The following MACROD2 variants were observed in gnomAD, a reference collection of about 807,000 sequenced individuals.
MACROD2 encodes the protein mono-ADP ribosylhydrolase 2, also known as ADP-ribose glycohydrolase MACROD2.
MACROD2 carries 36 observed loss-of-function variants against 70.4 expected under a neutral mutation model. That is an observed-to-expected ratio of 0.51 (90% CI 0.39 to 0.68). The LOEUF (loss-of-function observed/expected upper bound fraction) is 0.68. Among genes scored for constraint, MACROD2 ranks in the 30% least tolerant of loss-of-function variants. MACROD2 has a pLI of 0.00. For synonymous variants in MACROD2, 172 were observed against 178.8 expected (o/e 0.96, Z 0.30); for missense variants, 496 against 538.4 (o/e 0.92, Z 0.78).
At chr20:13,997,207 G>A (rs1399111989) in intron 1 of MACROD2, among the ~76,000 whole-genome samples, 2 of 152,160 alleles carry the variant, frequency 1.3e-5, no homozygotes, top group Non-Finnish European at 2.9e-5. Context: ...TGGGTTTATA[G>A]AGAGCTAACA....
chr20:14,118,152 A>G (rs999644102), intron 3 of MACROD2, among the ~76,000 whole-genome samples: 6 of 152,186 alleles, frequency 3.9e-5, no homozygotes, highest in African/African-American at 1.4e-4. Context: ...TAGTATATTA[A>G]CCATTTGTGG....
intron 12 of MACROD2, among the ~76,000 whole-genome samples, chr20:15,955,145 A>G (rs2065958721): frequency 1.3e-5 from 2 of 152,138 alleles, no homozygotes; most frequent in South Asian, 4.1e-4. Context: ...AATGGAAGGT[A>G]TTCTAGTTGG....
At chr20:14,457,403 A>G (rs2084316366) in intron 3 of MACROD2, among the ~76,000 whole-genome samples, 1 of 152,156 alleles carries the variant, frequency 6.6e-6, no homozygotes, top group Non-Finnish European at 1.5e-5. Context: ...GAGAACTGAT[A>G]AAGTGAAGAC....
intron 4 of MACROD2, among the ~76,000 whole-genome samples, chr20:14,637,267 C>G (rs1984834122): frequency 6.6e-6 from 1 of 152,054 alleles, no homozygotes; most frequent in Non-Finnish European, 1.5e-5. Context: ...ATATGTGTCT[C>G]CAGCTTTAAG....
At chr20:14,745,753 T>A (rs2071791918) in intron 5 of MACROD2, among the ~76,000 whole-genome samples, 1 of 152,172 alleles carries the variant, frequency 6.6e-6, no homozygotes, top group Non-Finnish European at 1.5e-5. Context: ...TGCCTTGCTG[T>A]AGCTGTGCTA....
At chr20:14,878,010 C>T (rs1380996175) in intron 5 of MACROD2, among the ~76,000 whole-genome samples, 1 of 152,072 alleles carries the variant, frequency 6.6e-6, no homozygotes, top group Non-Finnish European at 1.5e-5. Context: ...GGAAGAGTCC[C>T]TTTTCCTCAA....
At chr20:15,032,783 C>G (rs1301623375) in intron 5 of MACROD2, among the ~76,000 whole-genome samples, 1 of 152,176 alleles carries the variant, frequency 6.6e-6, no homozygotes, top group Non-Finnish European at 1.5e-5. Flanking sequence ...CACCAATGTT[C>G]ATAGCAGCAT....
chr20:14,947,935 T>C (rs543819777), intron 5 of MACROD2, among the ~76,000 whole-genome samples: 43 of 152,318 alleles, frequency 2.8e-4, no homozygotes, highest in Non-Finnish European at 2.9e-5. Flanking sequence ...AGTCCTGTAT[T>C]TGCTTACATC....
chr20:14,741,001 T>C (rs1428773631), intron 5 of MACROD2, among the ~76,000 whole-genome samples: 1 of 152,176 alleles, frequency 6.6e-6, no homozygotes, highest in South Asian at 2.1e-4. Flanking sequence ...TAATATTATA[T>C]TGGATTTCTG....
At position 14,968,521 on chromosome 20, in the gene MACROD2, A is replaced by G. The variant is rs74498677; in HGVS notation, c.419-261419A>G. Among the ~76,000 whole-genome samples the G allele has an allele frequency of 5.0e-3, 769 of 152,294 alleles. 5 individuals carry two copies. The highest frequency in any genetic ancestry group is 0.018 in the African/African-American group (740 of 41,548). Reference sequence around the variant, plus strand: ...GGTGTCCAGGCATCAGTTGTAAAAAAAAAGAAAAAAAATATTTTATTGTGC... The same window carrying G: ...GGTGTCCAGGCATCAGTTGTAAAAAGAAAGAAAAAAAATATTTTATTGTGC... On this transcript the variant is annotated intron_variant, in intron 5 of 17. Coordinates refer to ENST00000684519, the MANE Select transcript of MACROD2 (RefSeq NM_001351661.2).
intron 3 of MACROD2, among the ~76,000 whole-genome samples, chr20:14,418,906 A>C (rs1239143377): frequency 6.6e-6 from 1 of 151,954 alleles, no homozygotes; most frequent in Non-Finnish European, 1.5e-5. Flanking sequence ...CTTTGTCTCC[A>C]TGTTTCCAAA....
intron 3 of MACROD2, among the ~76,000 whole-genome samples, chr20:14,356,854 T>C (rs1473699114): frequency 6.6e-6 from 1 of 152,160 alleles, no homozygotes; most frequent in Non-Finnish European, 1.5e-5. Context: ...ATATTGGCGC[T>C]GGCTTCTGCT....
At chr20:15,476,957 C>T (rs1466138544) in intron 7 of MACROD2, among the ~76,000 whole-genome samples, 2 of 152,178 alleles carry the variant, frequency 1.3e-5, no homozygotes, top group South Asian at 2.1e-4. Flanking sequence ...AGACTATCAA[C>T]AATATGCCCA....
intron 5 of MACROD2, among the ~76,000 whole-genome samples, chr20:14,844,821 G>C (rs1284254474): frequency 6.6e-6 from 1 of 152,078 alleles, no homozygotes; most frequent in African/African-American, 2.4e-5. Context: ...CTTCCCTGTG[G>C]ATTTTCTGAG....
chr20:15,512,885 G>T (rs765266295), intron 8 of MACROD2, among the ~76,000 whole-genome samples: 1 of 152,156 alleles, frequency 6.6e-6, no homozygotes, highest in African/African-American at 2.4e-5. Flanking sequence ...ACAATTAGAG[G>T]CTGATGGGGT....
At chr20:15,954,043 A>G (rs746650873) in intron 12 of MACROD2, among the ~76,000 whole-genome samples, 4 of 152,156 alleles carry the variant, frequency 2.6e-5, no homozygotes, top group Non-Finnish European at 5.9e-5. Context: ...TTAAGTGTTT[A>G]TGTTTGAACC....
intron 5 of MACROD2, among the ~76,000 whole-genome samples, chr20:14,966,222 A>T (rs1290501449): frequency 2.0e-5 from 3 of 152,146 alleles, no homozygotes; most frequent in Non-Finnish European, 4.4e-5. Context: ...TCTTTTTAAT[A>T]TTAATTTACA....
chr20:14,658,659 G>C (rs1568724190), intron 4 of MACROD2, among the ~76,000 whole-genome samples: 1 of 152,156 alleles, frequency 6.6e-6, no homozygotes, highest in Non-Finnish European at 1.5e-5. Flanking sequence ...TGTCACCCAG[G>C]CTGGAGTGCA....
intron 6 of MACROD2, among the ~76,000 whole-genome samples, chr20:15,387,464 CCT>C (rs1314547700): frequency 6.6e-6 from 1 of 151,738 alleles, no homozygotes; most frequent in Non-Finnish European, 1.5e-5. Context: ...TCCTTCTCTT[CCT>C]CTTTCACTGT....
Sources: allele counts gnomAD v4.1 joint callset (sites outside exome capture counted in the v4.1 genomes callset), GRCh38; gene constraint gnomAD v4.1.1; transcripts MANE v1.5; gene names NCBI Gene and HGNC (gene_info 2026-07-23, HGNC 2026-07-21).